Variants in GRIP2 observed in about 807,000 individuals in gnomAD.
GRIP2 encodes glutamate receptor interacting protein 2.
A neutral mutation model predicts 108.3 loss-of-function variants in GRIP2; 58 were observed. That is an observed-to-expected ratio of 0.54 (90% CI 0.43 to 0.67). GRIP2 has a LOEUF of 0.67. Among genes scored for constraint, GRIP2 ranks in the 30% least tolerant of loss-of-function variants. The pLI, the probability that GRIP2 is intolerant of heterozygous loss-of-function variation, is 0.00. For synonymous variants in GRIP2, 586 were observed against 598.2 expected (o/e 0.98, Z 0.30); for missense variants, 1,278 against 1,430.6 (o/e 0.89, Z 1.72).
At chr3:14,497,495 A>G (rs1251771652) in intron 21 of GRIP2, among the ~76,000 whole-genome samples, 1 of 152,184 alleles carries the variant, frequency 6.6e-6, no homozygotes, top group African/African-American at 2.4e-5. Context: ...CAGCACGTGC[A>G]AAGCCCTGTG....
chr3:14,540,347 G>T, upstream of GRIP2: 1 of 1,612,426 alleles, frequency 6.2e-7, no homozygotes, highest in Non-Finnish European at 8.5e-7. The surrounding 1 kb of genome is among the most constrained non-coding windows in gnomAD (Gnocchi z 4.1). Flanking sequence ...CAACTCCCTC[G>T]GGAGCCACGC....
chr3:14,573,426 G>A, the GRIP2 span: 2 of 1,396,882 alleles, frequency 1.4e-6, no homozygotes, highest in Admixed American at 1.7e-5. Flanking sequence ...CAGGATCCTG[G>A]TGTGCAGGAA....
chr3:14,532,755 C>G (rs529310252), intron 1 of GRIP2, among the ~76,000 whole-genome samples: 1 of 151,542 alleles, frequency 6.6e-6, no homozygotes, highest in Admixed American at 6.6e-5. Context: ...CAGACTGAGT[C>G]GGAGGTGGGG....
chr3:14,596,136 G>T, the GRIP2 span, among the ~76,000 whole-genome samples: 157 of 152,370 alleles, frequency 1.0e-3, no homozygotes, highest in Non-Finnish European at 1.5e-3. Flanking sequence ...CCACTTACAG[G>T]GTGAAGAAGA....
In GRIP2 at chr3:14,503,608, G is replaced by A. The variant is rs750027466; in HGVS notation, c.2637C>T (p.Asp879=). The change falls in exon 21 of 24, where the codon GAC becomes GAT. Residue 879 remains aspartate, a synonymous_variant. Coordinates refer to ENST00000621039, the MANE Select transcript of GRIP2 (RefSeq NM_001080423.4). ...FWRMFGEALE[D]LESCGQSELL... is the part of the protein sequence containing the mutation. The stretch of plus-strand genomic sequence containing the variant: ...GCTCTGACTGACCACATGACTCCAG[G>A]TCTTCGAGAGCTTCTCCAAACATGC... 3.7e-6 allele frequency: 6 copies of A among 1,608,232 alleles called. No individual in the cohort carries two copies. In the South Asian group the frequency reaches 5.5e-5, roughly 15 times the overall value.
At chr3:14,573,259 C>A in the GRIP2 span, 1 of 1,400,312 alleles carries the variant, frequency 7.1e-7, no homozygotes. Flanking sequence ...TGGGAGCCAG[C>A]TGGAACCACC....
Position 14,494,882 on chromosome 3 carries a change from G to A in GRIP2, c.2931C>T (p.Ala977=). ...YVHTVRPDGP[A]HRGGLQPFDR... is the part of the protein sequence containing the mutation. ...CGAAGGGCTGGAGGCCTCCACGGTG[G>A]GCTGGCCCATCAGGGCGCACAGTGT... The change falls in exon 23 of 24, where the codon GCC becomes GCT. Residue 977 remains alanine, a synonymous_variant. Coordinates refer to ENST00000621039, the MANE Select transcript of GRIP2 (RefSeq NM_001080423.4). The A allele has an allele frequency of 6.2e-7, 1 of 1,613,876 alleles. No homozygotes were observed. Among genetic ancestry groups the A allele is most frequent in the Non-Finnish European group, 8.5e-7 (1 of 1,179,828 alleles).
the GRIP2 span, among the ~76,000 whole-genome samples, chr3:14,575,565 G>C: frequency 3.9e-5 from 6 of 152,160 alleles, no homozygotes; most frequent in African/African-American, 1.4e-4. Flanking sequence ...ACTGTCCTGT[G>C]GGATATTCGC....
At position 14,507,409 on chromosome 3, in the gene GRIP2, C is replaced by T. The variant is rs1393210454; in HGVS notation, c.2218+152G>A. Reference sequence around the variant, plus strand: ...TGTGTGGCCCTGGGCTCATCACTTCCCTCTCTGAGTCTTATCTTCTTTGCC... The same window carrying T: ...TGTGTGGCCCTGGGCTCATCACTTCTCTCTCTGAGTCTTATCTTCTTTGCC... On this transcript the variant is annotated intron_variant, in intron 18 of 23. Coordinates refer to ENST00000621039, the MANE Select transcript of GRIP2 (RefSeq NM_001080423.4). The surrounding 1 kb of genome is among the most constrained non-coding windows in gnomAD (Gnocchi z 4.6). Among the ~76,000 whole-genome samples the T allele has an allele frequency of 6.6e-6, 1 of 152,242 alleles. No individual in the cohort carries two copies. Among genetic ancestry groups the T allele is most frequent in the Non-Finnish European group, 1.5e-5 (1 of 68,042 alleles).
upstream of GRIP2, among the ~76,000 whole-genome samples, chr3:14,559,921 G>C (rs868537936): frequency 3.0e-4 from 45 of 152,250 alleles, no homozygotes; most frequent in Middle Eastern, 6.8e-3. Flanking sequence ...GCAGAGGCTG[G>C]GGAGAACTTG....
upstream of GRIP2, among the ~76,000 whole-genome samples, chr3:14,557,717 C>T (rs943047001): frequency 6.6e-6 from 1 of 152,264 alleles, no homozygotes; most frequent in South Asian, 2.1e-4. Context: ...GTAAGCCTCT[C>T]CTCTGCAGTT....
intron 1 of GRIP2, among the ~76,000 whole-genome samples, chr3:14,537,205 G>C (rs1452464303): frequency 6.6e-6 from 1 of 152,142 alleles, no homozygotes; most frequent in Admixed American, 6.5e-5. Context: ...CTTTGCATCG[G>C]CTGTTCCCTC....
In GRIP2 at chr3:14,505,634, C is replaced by T. The variant is rs773819845; in HGVS notation, c.2554G>A (p.Asp852Asn). 6.2e-7 allele frequency: 1 copy of T among 1,610,496 alleles called. No individual in the cohort carries two copies. The highest frequency in any genetic ancestry group is 8.5e-7 in the Non-Finnish European group (1 of 1,178,414). ...ESFPEEEEED[D>N]WEPPTSPAPG... ...ACAGACCTCGTTGGCGGCTCCCAAT[C>T]ATCCTCCTCCTCCTCCTCTGGAAAG... is the stretch of plus-strand genomic sequence containing the variant. Residue 852 changes from aspartate to asparagine, a missense_variant, in exon 20 of 24, where the codon GAT (aspartate) becomes AAT (asparagine). Physicochemically the swap from Asp to Asn is conservative, Grantham distance 23 (BLOSUM62 1). Transcript: ENST00000621039. This position sits in a 1 kb window ranked among gnomAD's most constrained non-coding sequence, Gnocchi z 4.2.
the GRIP2 span, among the ~76,000 whole-genome samples, chr3:14,596,127 C>A: frequency 6.6e-6 from 1 of 152,342 alleles, no homozygotes; most frequent in African/African-American, 2.4e-5. Context: ...AGGAAACCAC[C>A]ACTTACAGGG....
At chr3:14,520,839 C>T (rs187748938) in intron 7 of GRIP2, 206 of 414,580 alleles carry the variant, frequency 5.0e-4, no homozygotes, top group Non-Finnish European at 6.1e-4. Flanking sequence ...TATACCAGCA[C>T]TAAACTGTAA....
the GRIP2 span, among the ~76,000 whole-genome samples, chr3:14,571,110 A>C: frequency 4.2e-3 from 632 of 152,042 alleles, 3 homozygotes; most frequent in Admixed American, 8.3e-3. Context: ...TCCCCTGGGG[A>C]AAAAAAATCA....
intron 22 of GRIP2, among the ~76,000 whole-genome samples, chr3:14,495,563 T>C (rs946647822): frequency 6.6e-6 from 1 of 152,130 alleles, no homozygotes; most frequent in Non-Finnish European, 1.5e-5. Context: ...TGTGCCACCA[T>C]GCCCAGCTAA....
chr3:14,492,378 A>G lies in GRIP2; in HGVS notation c.*1287T>C, dbSNP rs1701356580. On this transcript the variant is annotated 3_prime_UTR_variant, in exon 24 of 24. Coordinates refer to ENST00000621039, the MANE Select transcript of GRIP2 (RefSeq NM_001080423.4). ...AAAGCACATCCCCAGCCCTGGCTAC[A>G]CCTGCCCGCCCACTCCATCCCAGGC... is the stretch of plus-strand genomic sequence containing the variant. 6.6e-6 allele frequency: 1 copy of G among 152,164 alleles called. No homozygotes were observed. Among genetic ancestry groups the G allele is most frequent in the East Asian group, 1.9e-4 (1 of 5,186 alleles). 9.4% of individuals were successfully genotyped at this position (152,164 alleles called of 1,614,324 possible).
At chr3:14,510,312 G>T (rs1230026662) in intron 16 of GRIP2, among the ~76,000 whole-genome samples, 8 of 149,294 alleles carry the variant, frequency 5.4e-5, no homozygotes, top group African/African-American at 2.0e-4. Flanking sequence ...GCCCAGGCTG[G>T]AGTGCAATGG....
Sources: allele counts gnomAD v4.1 joint callset (sites outside exome capture counted in the v4.1 genomes callset), GRCh38; gene constraint gnomAD v4.1.1; non-coding constraint Gnocchi (gnomAD v3.1); transcripts MANE v1.5; gene names NCBI Gene and HGNC (gene_info 2026-07-23, HGNC 2026-07-21).